Variants in METTL25 observed in about 807,000 individuals in gnomAD.
METTL25 encodes the protein methyltransferase like 25.
METTL25 carries 64 observed loss-of-function variants against 71.6 expected under a neutral mutation model. The observed-to-expected ratio is 0.89, with a 90% CI of 0.73 to 1.10. The LOEUF is 1.10. Among genes scored for constraint, METTL25 ranks in the 50% least tolerant of loss-of-function variants. The pLI, the probability that METTL25 is intolerant of heterozygous loss-of-function variation, is 0.00. For synonymous variants in METTL25, 287 were observed against 250.3 expected (o/e 1.15, Z -1.38); for missense variants, 807 against 707.0 (o/e 1.14, Z -1.60).
intron 9 of METTL25, among the ~76,000 whole-genome samples, chr12:82,472,269 T>A (rs1293213538): frequency 6.6e-6 from 1 of 152,110 alleles, no homozygotes; most frequent in Admixed American, 6.5e-5. Flanking sequence ...GTATGTGCAC[T>A]CATCAATAAC....
intron 1 of METTL25, among the ~76,000 whole-genome samples, chr12:82,370,841 C>G (rs1883157773): frequency 6.6e-6 from 1 of 152,000 alleles, no homozygotes. Flanking sequence ...CTTTCCCTGC[C>G]TCTGCCAGCC....
chr12:82,423,065 A>T (rs189034543), intron 5 of METTL25, among the ~76,000 whole-genome samples: 153 of 152,302 alleles, frequency 1.0e-3, no homozygotes, highest in African/African-American at 3.6e-3. Context: ...TGGAACCAAA[A>T]AAAAGCCCTC....
chr12:82,445,432 A>G (rs1890670354), intron 8 of METTL25, among the ~76,000 whole-genome samples: 1 of 152,194 alleles, frequency 6.6e-6, no homozygotes, highest in African/African-American at 2.4e-5. Context: ...ATAGTGTAAT[A>G]ATTTTATAGC....
At chr12:82,398,765 CTTTAA>C (rs992622516) in intron 3 of METTL25, 25 bp from the exon 4 acceptor site, 34 of 1,394,452 alleles carry the variant, frequency 2.4e-5, no homozygotes, top group Non-Finnish European at 2.8e-5. Context: ...GCCTAAAATT[CTTTAA>C]TTTATTCTTT....
chr12:82,387,831 C>A (rs1885197224), intron 2 of METTL25, among the ~76,000 whole-genome samples: 1 of 152,088 alleles, frequency 6.6e-6, no homozygotes, highest in African/African-American at 2.4e-5. Flanking sequence ...CATTTTCCTA[C>A]ACATCTCATA....
At chr12:82,475,854 C>G (rs1208228132) in intron 9 of METTL25, among the ~76,000 whole-genome samples, 2 of 151,994 alleles carry the variant, frequency 1.3e-5, no homozygotes, top group Admixed American at 6.6e-5. Context: ...ACCTTATATA[C>G]TTACCATTTG....
chr12:82,393,233 A>C, intron 3 of METTL25, among the ~76,000 whole-genome samples: 1 of 152,020 alleles, frequency 6.6e-6, no homozygotes, highest in East Asian at 1.9e-4. Context: ...TGCACATTTT[A>C]ACAATATTGA....
chr12:82,462,764 G>A (rs949649019), intron 9 of METTL25, among the ~76,000 whole-genome samples: 16 of 152,120 alleles, frequency 1.1e-4, no homozygotes, highest in Admixed American at 7.2e-4. Flanking sequence ...TTGGTTCCAG[G>A]ACTCCCATGG....
intron 5 of METTL25, among the ~76,000 whole-genome samples, chr12:82,430,198 A>T (rs529060158): frequency 3.1e-4 from 47 of 150,972 alleles, no homozygotes; most frequent in African/African-American, 1.1e-3. Flanking sequence ...TTTTCTTTTC[A>T]AAAACCCTGT....
chr12:82,457,826 T>C (rs922265521), intron 9 of METTL25, among the ~76,000 whole-genome samples: 2 of 152,110 alleles, frequency 1.3e-5, no homozygotes, highest in Non-Finnish European at 1.5e-5. Context: ...AGTTTTTGCA[T>C]AAATGAAGGA....
chr12:82,475,239 T>C (rs1892817912), intron 9 of METTL25, among the ~76,000 whole-genome samples: 1 of 152,176 alleles, frequency 6.6e-6, no homozygotes, highest in South Asian at 2.1e-4. Flanking sequence ...ACACGCAATT[T>C]TGTGAGTTGA....
In METTL25 at chr12:82,386,806, T is replaced by C. The variant is rs750628878; in HGVS notation, c.263T>C (p.Met88Thr). 3.1e-6 allele frequency: 5 copies of C among 1,612,552 alleles called. No individual in the cohort carries two copies. The highest frequency in any genetic ancestry group is 1.7e-5 in the Admixed American group (1 of 59,818). ...TTTTCTGTCTTCACTTTTTTAGGTA[T>C]GACTGATTTTCCCAAAATATTTTGT... ...PLVEAEWEAGMTDFPKIFCET... is the reference protein window; with the variant it reads ...PLVEAEWEAGTTDFPKIFCET... The change falls in exon 2 of 12, where the codon ATG (methionine) becomes ACG (threonine). Residue 88 changes from methionine to threonine, a missense_variant. Transcript: ENST00000248306.
rs1057459299 is a variant in METTL25 at position 82,399,041 on chromosome 12, G to A, written c.778G>A (p.Glu260Lys). Reference protein sequence around the residue: ...NKVKNKADTEEVFNNSPTNQE... With the variant: ...NKVKNKADTEKVFNNSPTNQE... ...AGTTAAAAATAAAGCTGATACTGAG[G>A]AAGTGTTTAACAACAGTCCTACAAA... The change falls in exon 4 of 12, where the codon GAA becomes AAA. Residue 260 changes from glutamate to lysine, a missense_variant. Glu to Lys is a moderately conservative substitution (Grantham distance 56). Coordinates refer to ENST00000248306, the MANE Select transcript of METTL25 (RefSeq NM_032230.3). 13 of 1,612,298 alleles carry A rather than the reference G, an allele frequency of 8.1e-6. No individual in the cohort carries two copies. The highest frequency in any genetic ancestry group is 1.7e-5 in the Admixed American group (1 of 59,892).
At chr12:82,407,381 A>T (rs540431106) in intron 5 of METTL25, among the ~76,000 whole-genome samples, 1 of 152,146 alleles carries the variant, frequency 6.6e-6, no homozygotes, top group Non-Finnish European at 1.5e-5. Flanking sequence ...GATTTAAATA[A>T]GAAAAAGTGT....
intron 9 of METTL25, among the ~76,000 whole-genome samples, chr12:82,465,806 A>G (rs548378094): frequency 9.2e-5 from 14 of 151,764 alleles, no homozygotes; most frequent in African/African-American, 2.7e-4. Flanking sequence ...CAGGTTTTCT[A>G]TTTCTTCCTG....
In METTL25 at chr12:82,403,022, G is replaced by C. The variant is rs529293925; in HGVS notation, c.1171G>C (p.Ala391Pro). The C allele has an allele frequency of 7.4e-6, 12 of 1,612,500 alleles. No homozygotes were observed. The highest frequency in any genetic ancestry group is 6.6e-5 in the South Asian group (6 of 90,944). ...MVGLHTCGDL[A>P]PNTLRIFTSN... ...GGGTCTCCACACTTGTGGTGATCTG[G>C]CTCCAAATACTTTGCGAATATTTAC... is the stretch of plus-strand genomic sequence containing the variant. The change falls in exon 5 of 12, where the codon GCT becomes CCT. Residue 391 changes from alanine (A) to proline (P), a missense_variant. Coordinates refer to ENST00000248306, the MANE Select transcript of METTL25 (RefSeq NM_032230.3).
intron 9 of METTL25, among the ~76,000 whole-genome samples, chr12:82,463,115 A>T (rs959126162): frequency 6.6e-5 from 10 of 151,954 alleles, no homozygotes; most frequent in African/African-American, 2.4e-4. Flanking sequence ...GAAACTATAT[A>T]GTATATTATT....
At chr12:82,450,668 C>T (rs967799959) in intron 8 of METTL25, among the ~76,000 whole-genome samples, 2 of 152,220 alleles carry the variant, frequency 1.3e-5, no homozygotes, top group East Asian at 1.9e-4. Flanking sequence ...TCATCTGGCT[C>T]CTCATTTTTT....
chr12:82,409,383 T>G (rs1340799506), intron 5 of METTL25, among the ~76,000 whole-genome samples: 1 of 152,172 alleles, frequency 6.6e-6, no homozygotes, highest in Admixed American at 6.6e-5. Context: ...ATTATTGTAA[T>G]AATTAATTTG....
Sources: gnomAD v4.1 joint callset for allele counts (sites outside exome capture counted in the v4.1 genomes callset) on GRCh38, gnomAD v4.1.1 for gene constraint, MANE v1.5 for transcripts, NCBI Gene and HGNC (gene_info 2026-07-23, HGNC 2026-07-21) for gene names.